Variants in MON2 observed in about 807,000 individuals in gnomAD.
MON2 encodes protein MON2 homolog.
MON2 carries 84 observed loss-of-function variants against 208.6 expected under a neutral mutation model. The observed-to-expected ratio is 0.40, with a 90% CI of 0.34 to 0.48. MON2 has a LOEUF of 0.48. Ranked by LOEUF, MON2 falls within the 20% of genes least tolerant of loss-of-function variation. MON2 has a pLI of 0.59. For missense variants in MON2, 1,611 were observed against 2,015.4 expected (o/e 0.80, Z 3.84); for synonymous variants, 660 against 694.0 (o/e 0.95, Z 0.77).
Position 62,495,459 on chromosome 12 carries a change from T to C in MON2, c.435+312T>C, listed in dbSNP as rs375642101. Among the ~76,000 whole-genome samples the C allele has an allele frequency of 3.3e-5, 5 of 150,938 alleles. No homozygotes were observed. The East Asian group carries it at 7.8e-4, about 24-fold the overall frequency. On this transcript the variant is annotated intron_variant, in intron 4 of 34. Transcript: ENST00000393630. ...GGAGGGAACTAAGAAAAAAAAAACA[T>C]GTTGTAAGATCACAAGGTTAGGAGA...
At chr12:62,511,359 A>G (rs2071389016) in intron 8 of MON2, among the ~76,000 whole-genome samples, 1 of 152,218 alleles carries the variant, frequency 6.6e-6, no homozygotes, top group Admixed American at 6.5e-5. Flanking sequence ...TTCAAAACAT[A>G]TTACAAAGCT....
In MON2 at chr12:62,490,570, T is replaced by A. The variant is rs536220684; in HGVS notation, c.176-3345T>A. On this transcript the variant is annotated intron_variant, in intron 2 of 34. Transcript: ENST00000393630. The stretch of plus-strand genomic sequence containing the variant: ...TACTTTTTTGGACTATTACCACTTT[T>A]TAAAGAAGAAAAGGAAAAGCAATAA... Among the ~76,000 whole-genome samples, 7 of 152,282 alleles carry A rather than the reference T, an allele frequency of 4.6e-5. No homozygotes were observed. The South Asian group carries it at 1.4e-3, about 32-fold the overall frequency.
At chr12:62,560,392 A>T (rs944076031) in intron 25 of MON2, 99 bp from the exon 26 acceptor site, 1 of 1,207,944 alleles carries the variant, frequency 8.3e-7, no homozygotes, top group Non-Finnish European at 1.2e-6. Context: ...GTAGGATTTT[A>T]AGCAGAAAAA....
At position 62,596,712 on chromosome 12, in the gene MON2, T is replaced by C. The variant is rs1294906203; in HGVS notation, c.*3963T>C. On this transcript the variant is annotated 3_prime_UTR_variant, in exon 35 of 35. Transcript: ENST00000393630. Reference sequence around the variant, plus strand: ...TATATAAAGTGGGAAAAGTCTTTAATACTTCATGATCACTTGAATTAAAGT... The same window carrying C: ...TATATAAAGTGGGAAAAGTCTTTAACACTTCATGATCACTTGAATTAAAGT... 6.6e-6 allele frequency: 1 copy of C among 152,252 alleles called. No homozygotes were observed. Among genetic ancestry groups the C allele is most frequent in the Non-Finnish European group, 1.5e-5 (1 of 68,036 alleles). The allele number at this position is 152,252 out of a possible 1,614,324, so 9.4% of individuals were successfully genotyped here.
intron 12 of MON2, 38 bp from the exon 13 acceptor site, chr12:62,534,807 T>A: frequency 7.0e-7 from 1 of 1,436,350 alleles, no homozygotes; most frequent in South Asian, 1.2e-5. Flanking sequence ...GTGCTATCTA[T>A]AATTAAAATT....
chr12:62,497,073 C>T (rs12718002), intron 4 of MON2, among the ~76,000 whole-genome samples: 91,740 of 135,044 alleles, frequency 0.68, 31,290 homozygotes, highest in African/African-American at 0.76. Context: ...AACCAAACAC[C>T]GCATATTCTC....
At chr12:62,538,360 G>C in intron 18 of MON2, 35 bp downstream of exon 18, 5 of 1,587,814 alleles carry the variant, frequency 3.1e-6, no homozygotes, top group Non-Finnish European at 4.3e-6. Flanking sequence ...TAAAAACATT[G>C]TTATTTGTTA....
In MON2 at chr12:62,571,600, T is replaced by G; in HGVS notation, c.4514+18T>G. ...ACTAAAAGGTCAGCTCATTCATTTT[T>G]AAAATTAAGACAAGAAGTGGCACAT... On this transcript the variant is annotated intron_variant, in intron 30 of 34. Transcript: ENST00000393630. 2 of 1,581,460 alleles carry G rather than the reference T, an allele frequency of 1.3e-6. No individual in the cohort carries two copies. The highest frequency in any genetic ancestry group is 1.7e-6 in the Non-Finnish European group (2 of 1,161,678).
At chr12:62,510,092 A>G (rs190106493) in intron 8 of MON2, among the ~76,000 whole-genome samples, 1 of 152,234 alleles carries the variant, frequency 6.6e-6, no homozygotes, top group Admixed American at 6.5e-5. Flanking sequence ...GAAACATACA[A>G]CCTACTGAAA....
chr12:62,571,199 C>T (rs1450897031), intron 29 of MON2, among the ~76,000 whole-genome samples, 193 bp from the exon 30 acceptor site: 1 of 152,128 alleles, frequency 6.6e-6, no homozygotes, highest in Non-Finnish European at 1.5e-5. Context: ...AAAAGTATAT[C>T]TTTCCAGGCA....
intron 1 of MON2, among the ~76,000 whole-genome samples, chr12:62,479,437 C>G (rs993457854): frequency 7.0e-6 from 1 of 143,154 alleles, no homozygotes; most frequent in African/African-American, 2.6e-5. Context: ...TATATCCCCC[C>G]CCCCCCCCAA....
At chr12:62,592,212 A>G (rs2136520598) in intron 34 of MON2, among the ~76,000 whole-genome samples, 1 of 152,360 alleles carries the variant, frequency 6.6e-6, no homozygotes, top group African/African-American at 2.4e-5. Context: ...CAGACAACTG[A>G]AAAAGTTATT....
chr12:62,497,950 T>TA, intron 4 of MON2, among the ~76,000 whole-genome samples: 1 of 152,246 alleles, frequency 6.6e-6, no homozygotes, highest in Non-Finnish European at 1.5e-5. Flanking sequence ...AACCTATTCT[T>TA]ACCAGATGAC....
intron 21 of MON2, 49 bp downstream of exon 21, chr12:62,545,057 C>G (rs538277995): frequency 1.7e-6 from 2 of 1,209,702 alleles, no homozygotes; most frequent in Non-Finnish European, 2.3e-6. Context: ...TAAAATTATC[C>G]TCCTCCATAT....
intron 24 of MON2, among the ~76,000 whole-genome samples, chr12:62,555,043 G>A (rs932314038): frequency 5.3e-5 from 8 of 151,988 alleles, no homozygotes; most frequent in African/African-American, 1.2e-4. Flanking sequence ...TGATCCGCCC[G>A]CCTCGGCCTC....
intron 23 of MON2, among the ~76,000 whole-genome samples, chr12:62,550,259 G>A (rs945273079): frequency 2.6e-5 from 4 of 152,164 alleles, no homozygotes; most frequent in African/African-American, 7.2e-5. Flanking sequence ...GCTGGGCATG[G>A]TAGCTGATGC....
chr12:62,520,677 G>A (rs1645322962), intron 8 of MON2, among the ~76,000 whole-genome samples: 1 of 151,828 alleles, frequency 6.6e-6, no homozygotes, highest in Non-Finnish European at 1.5e-5. Context: ...GCTCACGCCT[G>A]TAATCCCAGC....
At chr12:62,497,051 G>A (rs935915108) in intron 4 of MON2, among the ~76,000 whole-genome samples, 5 of 141,378 alleles carry the variant, frequency 3.5e-5, no homozygotes, top group South Asian at 2.4e-4. Flanking sequence ...GTAAACTATC[G>A]CAAGAACAAA....
chr12:62,541,975 G>A (rs988102112), intron 19 of MON2, among the ~76,000 whole-genome samples: 1 of 151,906 alleles, frequency 6.6e-6, no homozygotes, highest in Non-Finnish European at 1.5e-5. Context: ...CATTTTTTAG[G>A]TTTAAAAAAT....
Sources: gnomAD v4.1 joint callset for allele counts (sites outside exome capture counted in the v4.1 genomes callset) on GRCh38, gnomAD v4.1.1 for gene constraint, MANE v1.5 for transcripts, NCBI Gene and HGNC (gene_info 2026-07-23, HGNC 2026-07-21) for gene names.